Variants in MME observed in about 807,000 individuals in gnomAD.
The protein encoded by MME is membrane metalloendopeptidase, also known as neprilysin.
Under a neutral mutation model 113.2 loss-of-function variants are expected in MME, and 98 were observed. That is an observed-to-expected ratio of 0.87 (90% CI 0.74 to 1.02). The LOEUF (loss-of-function observed/expected upper bound fraction) is 1.02, where lower values mean the gene tolerates loss of function less well. MME is among the 50% of genes least tolerant of loss of function. The probability of loss-of-function intolerance (pLI) is 0.00; values close to 1 mark genes in which losing one functional copy is unlikely to be tolerated. For missense variants in MME, 836 were observed against 896.0 expected, an observed-to-expected ratio of 0.93 and a Z score of 0.86; for synonymous variants, 292 against 300.6, an observed-to-expected ratio of 0.97 and a Z score of 0.30.
chr3:155,174,330 G>A lies in MME; in HGVS notation c.2153+1718G>A, dbSNP rs1289080064. Among the ~76,000 whole-genome samples the A allele has an allele frequency of 1.4e-4, 6 of 44,358 alleles. 1 individual carries two copies. Among genetic ancestry groups the A allele is most frequent in the Admixed American group, 3.3e-4 (2 of 6,100 alleles). 29.1% of individuals were successfully genotyped at this position (44,358 alleles called of 152,430 possible). The stretch of plus-strand genomic sequence containing the variant: ...TTCATTCATAACAACAGAAGCGTGT[G>A]TGTGTGTGTGTGTGTGTGTGTGTGT... On this transcript the variant is annotated intron_variant, in intron 22 of 22. Transcript: ENST00000360490.
chr3:155,047,219 G>A (rs1417935440), intron 1 of MME, among the ~76,000 whole-genome samples: 1 of 152,062 alleles, frequency 6.6e-6, no homozygotes, highest in Admixed American at 6.6e-5. Flanking sequence ...CTTTCCTATG[G>A]TTATATATGT....
upstream of MME, among the ~76,000 whole-genome samples, chr3:155,078,597 T>G (rs548691051): frequency 3.9e-5 from 6 of 151,910 alleles, no homozygotes; most frequent in Middle Eastern, 3.2e-3. Context: ...TAAAAACAGA[T>G]AATTGCAAAC....
intron 3 of MME, among the ~76,000 whole-genome samples, chr3:155,092,701 TG>T (rs1290387881): frequency 6.6e-6 from 1 of 152,126 alleles, no homozygotes; most frequent in African/African-American, 2.4e-5. Context: ...TTATGTGCAA[TG>T]GTGTAGATAA....
At chr3:155,117,705 G>A (rs958724911) in intron 7 of MME, among the ~76,000 whole-genome samples, 4 of 149,428 alleles carry the variant, frequency 2.7e-5, no homozygotes, top group East Asian at 2.0e-4. Flanking sequence ...CTTTATGGTC[G>A]TTTTTGTTAA....
intron 17 of MME, among the ~76,000 whole-genome samples, chr3:155,164,631 G>A (rs1247170209): frequency 1.3e-5 from 2 of 152,158 alleles, no homozygotes; most frequent in African/African-American, 2.4e-5. Context: ...AGTCTTGATA[G>A]CACATTTCAT....
chr3:155,049,289 T>C (rs777486761), intron 1 of MME, among the ~76,000 whole-genome samples: 12 of 151,822 alleles, frequency 7.9e-5, no homozygotes, highest in Non-Finnish European at 1.5e-4. Context: ...CCCAAGAGAG[T>C]ACCCTTATAA....
chr3:155,157,027 G>A lies in MME; in HGVS notation c.1602-3363G>A, dbSNP rs947117758. On this transcript the variant is annotated intron_variant, in intron 16 of 22. Transcript: ENST00000360490. ...CTTTCATCAGCACTAAGCTTCTTCAGGGCAATAAGAGATAGAAGAGAAACA... is the reference window on the plus strand; with the variant it reads ...CTTTCATCAGCACTAAGCTTCTTCAAGGCAATAAGAGATAGAAGAGAAACA... Among the ~76,000 whole-genome samples the A allele has an allele frequency of 2.0e-5, 3 of 151,854 alleles. No individual in the cohort carries two copies. In the East Asian group the frequency reaches 5.8e-4, roughly 29 times the overall value.
At chr3:155,109,413 G>A (rs935945262) in intron 3 of MME, among the ~76,000 whole-genome samples, 9 of 152,086 alleles carry the variant, frequency 5.9e-5, no homozygotes, top group African/African-American at 1.4e-4. Context: ...CCTTGGGGTC[G>A]TGGGCTTATG....
chr3:155,178,034 C>T (rs1712728956), intron 22 of MME, among the ~76,000 whole-genome samples: 1 of 152,258 alleles, frequency 6.6e-6, no homozygotes, highest in East Asian at 1.9e-4. Context: ...ATCAGAGGGC[C>T]TCTCGGGGCC....
At chr3:155,075,714 G>T (rs1345315345), upstream of MME, among the ~76,000 whole-genome samples, 2 of 151,832 alleles carry the variant, frequency 1.3e-5, no homozygotes, top group Admixed American at 6.6e-5. Flanking sequence ...ATTTAGCCAG[G>T]GTCTCACTAT....
At chr3:155,087,248 GGT>G (rs1491408200) in intron 3 of MME, among the ~76,000 whole-genome samples, 47 of 67,674 alleles carry the variant, frequency 6.9e-4, no homozygotes, top group African/African-American at 1.4e-3. Context: ...TGTGCCCTTT[GGT>G]TTTTTTTTTT....
upstream of MME, chr3:155,079,633 G>GA (rs1304589507): frequency 7.0e-6 from 1 of 141,966 alleles, no homozygotes; most frequent in Non-Finnish European, 1.5e-5. Context: ...TAGGGGGTGG[G>GA]GGGGGTGGGC....
At position 155,180,469 on chromosome 3, in the gene MME, G is replaced by T; in HGVS notation, c.*10G>T. ...GTGCCGGGTTTGGTGATCTTCAAAA[G>T]AAGCATTGCAGCCCTTGGCTAGACT... is the stretch of plus-strand genomic sequence containing the variant. On this transcript the variant is annotated 3_prime_UTR_variant, in exon 23 of 23. Transcript: ENST00000360490. The T allele has an allele frequency of 6.2e-7, 1 of 1,605,292 alleles. No individual in the cohort carries two copies. The highest frequency in any genetic ancestry group is 8.5e-7 in the Non-Finnish European group (1 of 1,172,204).
chr3:155,045,702 T>C (rs937090986), intron 1 of MME, among the ~76,000 whole-genome samples: 2 of 151,864 alleles, frequency 1.3e-5, no homozygotes, highest in African/African-American at 4.8e-5. Flanking sequence ...CAGTCTTTGG[T>C]TTTGTTCATT....
intron 3 of MME, among the ~76,000 whole-genome samples, chr3:155,104,407 T>A (rs1331148112): frequency 6.6e-6 from 1 of 152,216 alleles, no homozygotes; most frequent in African/African-American, 2.4e-5. Flanking sequence ...TTATTAATAG[T>A]TACTAAATTT....
intron 17 of MME, among the ~76,000 whole-genome samples, chr3:155,166,295 A>T (rs1340799180): frequency 2.6e-5 from 4 of 152,182 alleles, no homozygotes; most frequent in Non-Finnish European, 4.4e-5. Context: ...AGGGCAGACA[A>T]GAAAAGGAAG....
rs1460351177 is a variant in MME, at chr3:155,180,339, CT to C, written c.2154-14del. ...CGTGAGTATCAAATGCTGACGGTGA[CT>C]TTTTTTGTTTGTTTCAAAGGATTAT... is the stretch of plus-strand genomic sequence containing the variant. On this transcript the variant is annotated intron_variant, in intron 22 of 22. Coordinates refer to ENST00000360490, the MANE Select transcript of MME (RefSeq NM_007289.4). The C allele has an allele frequency of 5.6e-6, 9 of 1,597,104 alleles. No individual in the cohort carries two copies. The highest frequency in any genetic ancestry group is 1.3e-5 in the African/African-American group (1 of 74,534).
At chr3:155,049,158 T>C (rs1713668032) in intron 1 of MME, among the ~76,000 whole-genome samples, 1 of 152,164 alleles carries the variant, frequency 6.6e-6, no homozygotes, top group Admixed American at 6.6e-5. Flanking sequence ...AATTGAATAG[T>C]GTTACCCCAA....
chr3:155,090,966 A>G (rs756846781), intron 3 of MME, among the ~76,000 whole-genome samples: 3 of 152,210 alleles, frequency 2.0e-5, no homozygotes, highest in Admixed American at 6.5e-5. Flanking sequence ...TGAAACCTCC[A>G]TGAAGGAAAA....
Sources: allele counts gnomAD v4.1 joint callset (sites outside exome capture counted in the v4.1 genomes callset), GRCh38; gene constraint gnomAD v4.1.1; transcripts MANE v1.5; gene names NCBI Gene and HGNC (gene_info 2026-07-23, HGNC 2026-07-21).